PTGDR: variants seen among roughly 807,000 people sequenced by gnomAD.
PTGDR encodes prostaglandin D2 receptor, also known as PGD2 receptor.
A neutral mutation model predicts 17.4 loss-of-function variants in PTGDR; 19 were observed. The observed-to-expected ratio is 1.09, with a 90% confidence interval of 0.76 to 1.60. PTGDR has a LOEUF of 1.60. Among genes scored for constraint, PTGDR ranks in the 40% most tolerant of loss-of-function variants. The pLI is 0.00. For missense variants in PTGDR, 526 were observed against 481.9 expected (o/e 1.09, Z -0.86); for synonymous variants, 267 against 224.2 (o/e 1.19, Z -1.71).
downstream of PTGDR, among the ~76,000 whole-genome samples, chr14:52,277,517 C>T (rs1443344375): frequency 6.6e-6 from 1 of 152,160 alleles, no homozygotes; most frequent in Non-Finnish European, 1.5e-5. Flanking sequence ...CTCTCAATAA[C>T]AGAGGTTATT....
chr14:52,268,805 A>C, intron 1 of PTGDR, 145 bp downstream of exon 1: 7 of 869,014 alleles, frequency 8.1e-6, no homozygotes, highest in Non-Finnish European at 1.2e-5. Flanking sequence ...AGTTCCCCAA[A>C]TTGGATTCCT....
downstream of PTGDR, among the ~76,000 whole-genome samples, chr14:52,278,735 G>T (rs2033458378): frequency 6.6e-6 from 1 of 152,184 alleles, no homozygotes; most frequent in Non-Finnish European, 1.5e-5. Flanking sequence ...TCACTTGGAG[G>T]TAAAGATACT....
chr14:52,279,071 C>A (rs1436612802), downstream of PTGDR, among the ~76,000 whole-genome samples: 4 of 151,970 alleles, frequency 2.6e-5, no homozygotes, highest in Non-Finnish European at 5.9e-5. Context: ...TTTCTCATTT[C>A]TCCTAGTAAT....
Position 52,275,461 on chromosome 14 carries a change from A to C in PTGDR, c.*497A>C, listed in dbSNP as rs2033406927. 1 of 156,164 alleles carries C rather than the reference A, an allele frequency of 6.4e-6. No homozygotes were observed. Among genetic ancestry groups the C allele is most frequent in the Non-Finnish European group, 1.4e-5 (1 of 70,730 alleles). The allele number at this position is 156,164 out of a possible 1,614,324, so 9.7% of individuals were successfully genotyped here. On this transcript the variant is annotated 3_prime_UTR_variant, in exon 2 of 2. Coordinates refer to ENST00000306051, the MANE Select transcript of PTGDR (RefSeq NM_000953.3). Reference sequence around the variant, plus strand: ...GTTTAGTTCATTTCTTTGCCAATTGATCTAAGCATAGCCTGAATTATGATG... The same window carrying C: ...GTTTAGTTCATTTCTTTGCCAATTGCTCTAAGCATAGCCTGAATTATGATG...
intron 1 of PTGDR, among the ~76,000 whole-genome samples, chr14:52,273,644 T>C (rs2033364108): frequency 6.6e-6 from 1 of 152,140 alleles, no homozygotes; most frequent in Non-Finnish European, 1.5e-5. Context: ...GCTGAAATGC[T>C]CTACAGAGAA....
In PTGDR at chr14:52,276,269, G is replaced by C. The variant is rs1288485326; in HGVS notation, c.*1305G>C. The C allele has an allele frequency of 6.6e-6, 1 of 152,146 alleles. No homozygotes were observed. Among genetic ancestry groups the C allele is most frequent in the Admixed American group, 6.5e-5 (1 of 15,270 alleles). 9.4% of individuals were successfully genotyped at this position (152,146 alleles called of 1,614,324 possible). A position where few individuals can be genotyped will look rare whatever the true frequency, so the allele number is the denominator to read the frequency against. The stretch of plus-strand genomic sequence containing the variant: ...GTTTCAGCATCTCTGGAGTTCCTTT[G>C]TATCTGACAATCTCAGGACTCCAAG... On this transcript the variant is annotated 3_prime_UTR_variant, in exon 2 of 2. Coordinates refer to ENST00000306051, the MANE Select transcript of PTGDR (RefSeq NM_000953.3).
In PTGDR at chr14:52,268,613, C is replaced by G; in HGVS notation, c.799C>G (p.Leu267Val). ...GGAGGAGCTGGATCACCTCCTGCTG[C>G]TGGCGCTGATGACCGTGCTCTTCAC... ...PLEELDHLLLLALMTVLFTMC... is the reference protein window; with the variant it reads ...PLEELDHLLLVALMTVLFTMC... The change falls in exon 1 of 2, where the codon CTG becomes GTG. Residue 267 changes from leucine (L) to valine (V), a missense_variant. Leu to Val is a conservative substitution (Grantham distance 32). Coordinates refer to ENST00000306051, the MANE Select transcript of PTGDR (RefSeq NM_000953.3). The G allele has an allele frequency of 1.9e-6, 3 of 1,606,288 alleles. 1 individual carries two copies. The South Asian group carries it at 3.3e-5, about 18-fold the overall frequency.
intron 1 of PTGDR, among the ~76,000 whole-genome samples, chr14:52,273,715 CTGAT>C (rs1371733342): frequency 6.6e-6 from 1 of 152,188 alleles, no homozygotes; most frequent in East Asian, 1.9e-4. Context: ...GAGATGCTCT[CTGAT>C]TGCCTCGAAT....
At position 52,268,588 on chromosome 14, in the gene PTGDR, G is replaced by A. The variant is rs766822632; in HGVS notation, c.774G>A (p.Leu258=). ...ADGREASPQP[L]EELDHLLLLA... ...GGAGGGAAGCGTCCCCTCAGCCCCT[G>A]GAGGAGCTGGATCACCTCCTGCTGC... The change falls in exon 1 of 2, where the codon CTG becomes CTA. Residue 258 remains leucine, a synonymous_variant. Transcript: ENST00000306051. 8 of 1,611,584 alleles carry A rather than the reference G, an allele frequency of 5.0e-6. No individual in the cohort carries two copies. The South Asian group carries it at 8.8e-5, about 18-fold the overall frequency.
chr14:52,268,846 G>C (rs1020185669), intron 1 of PTGDR, among the ~76,000 whole-genome samples, 186 bp downstream of exon 1: 2 of 152,156 alleles, frequency 1.3e-5, no homozygotes, highest in Admixed American at 6.5e-5. Flanking sequence ...CTCAGTTTGC[G>C]GAGCGAAATG....
rs759117874 is a variant in PTGDR at position 52,268,260 on chromosome 14, G to GCCC, written c.447_448insCCC (p.Gly149_Ala150insPro). The GCCC allele has an allele frequency of 1.2e-6, 2 of 1,614,030 alleles. No individual in the cohort carries two copies. The highest frequency in any genetic ancestry group is 2.2e-5 in the South Asian group (2 of 91,088). On this transcript the variant is annotated inframe_insertion, in exon 1 of 2. Transcript: ENST00000306051. ...CGACGGCACATCACCCTGCGCCTGG[G>GCCC]CGCACTGGTGGCCCCGGTGGTGAGC...
Position 52,267,863 on chromosome 14 carries a change from G to A in PTGDR, c.49G>A (p.Gly17Ser), listed in dbSNP as rs1289539952. The A allele has an allele frequency of 6.3e-7, 1 of 1,599,134 alleles. No individual in the cohort carries two copies. The highest frequency in any genetic ancestry group is 1.7e-5 in the Admixed American group (1 of 58,572). ...CCAGAACACCACCTCTGTGGAAAAAGGCAACTCGGCGGTGATGGGCGGGGT... is the reference window on the plus strand; with the variant it reads ...CCAGAACACCACCTCTGTGGAAAAAAGCAACTCGGCGGTGATGGGCGGGGT... ...RCQNTTSVEK[G>S]NSAVMGGVLF... Residue 17 changes from glycine to serine, a missense_variant, in exon 1 of 2, where the codon GGC becomes AGC. Gly to Ser is a moderately conservative substitution (Grantham distance 56). Transcript: ENST00000306051.
intron 1 of PTGDR, 103 bp downstream of exon 1, chr14:52,268,763 G>C: frequency 4.7e-6 from 6 of 1,272,390 alleles, no homozygotes; most frequent in Non-Finnish European, 6.5e-6. Context: ...CGCCAGGCGA[G>C]CTGCGCCCTG....
chr14:52,271,024 T>G (rs1393009120), intron 1 of PTGDR, among the ~76,000 whole-genome samples: 1 of 150,202 alleles, frequency 6.7e-6, no homozygotes, highest in Non-Finnish European at 1.5e-5. Context: ...GATAAGGGCT[T>G]TAGCATCAGA....
chr14:52,279,796 A>T (rs1428542025), downstream of PTGDR, among the ~76,000 whole-genome samples: 2 of 148,144 alleles, frequency 1.4e-5, no homozygotes, highest in African/African-American at 5.3e-5. Flanking sequence ...AATAAAATTA[A>T]AAAAAAAATT....
chr14:52,269,344 GT>G, intron 1 of PTGDR: 1 of 935,686 alleles, frequency 1.1e-6, no homozygotes, highest in Non-Finnish European at 1.7e-6. Context: ...GACTTGACGG[GT>G]TTTGAGTGTA....
At chr14:52,268,813 C>T (rs2033270796) in intron 1 of PTGDR, among the ~76,000 whole-genome samples, 153 bp downstream of exon 1, 1 of 152,178 alleles carries the variant, frequency 6.6e-6, no homozygotes, top group African/African-American at 2.4e-5. Flanking sequence ...AAATTGGATT[C>T]CTTCCACAGC....
chr14:52,272,144 T>C (rs1018549195), intron 1 of PTGDR, among the ~76,000 whole-genome samples: 4 of 152,170 alleles, frequency 2.6e-5, no homozygotes, highest in East Asian at 1.9e-4. Context: ...ATCCATTAGG[T>C]TGACATTCAA....
downstream of PTGDR, among the ~76,000 whole-genome samples, chr14:52,278,582 G>A (rs191543660): frequency 4.1e-3 from 626 of 152,110 alleles, 4 homozygotes; most frequent in African/African-American, 0.014. Flanking sequence ...AAACCTGCAC[G>A]TTGTGCACAG....
Sources: allele counts gnomAD v4.1 joint callset (sites outside exome capture counted in the v4.1 genomes callset), GRCh38; gene constraint gnomAD v4.1.1; transcripts MANE v1.5; gene names NCBI Gene and HGNC (gene_info 2026-07-23, HGNC 2026-07-21).